Variants in ZNF44 observed in about 807,000 individuals in gnomAD.
ZNF44 encodes zinc finger protein 44.
ZNF44 carries 9 observed loss-of-function variants against 11.7 expected under a neutral mutation model. The ratio of observed to expected loss-of-function variants is 0.77; its 90% CI spans 0.46 to 1.35. The LOEUF (loss-of-function observed/expected upper bound fraction) is 1.35, where lower values mean the gene tolerates loss of function less well. Ranked by LOEUF, ZNF44 falls within the 40% of genes most tolerant of loss-of-function variation. The pLI is 0.00. For missense variants in ZNF44, 696 were observed against 743.1 expected (o/e 0.94, Z 0.74); for synonymous variants, 224 against 242.7 (o/e 0.92, Z 0.72).
chr19:12,250,093 T>C, intron 6 of ZNF44: 1 of 1,253,402 alleles, frequency 8.0e-7, no homozygotes, highest in Non-Finnish European at 1.0e-6. Context: ...TACAGAAAAA[T>C]TATTAGATTC....
chr19:12,260,133 C>T (rs889536622), intron 5 of ZNF44: 3 of 727,132 alleles, frequency 4.1e-6, no homozygotes, highest in African/African-American at 1.7e-5. Context: ...ACCATGTCCG[C>T]GCATCTGCAA....
At position 12,294,862 on chromosome 19, in the gene ZNF44, C is replaced by A. The variant is rs1968184657; in HGVS notation, c.-168G>T. The A allele has an allele frequency of 2.8e-6, 2 of 721,244 alleles. No individual in the cohort carries two copies. The highest frequency in any genetic ancestry group is 4.2e-5 in the South Asian group (2 of 47,414). The allele number at this position is 721,244 out of a possible 1,614,324, so 44.7% of individuals were successfully genotyped here. A position where few individuals can be genotyped will look rare whatever the true frequency, so the allele number is the denominator to read the frequency against. ...AGCTCCTGGAACGTCACACCCTCCT[C>A]TCTGCCTCGCGCCTGATTGACAATT... On this transcript the variant is annotated 5_prime_UTR_variant, in exon 1 of 4. Coordinates refer to ENST00000355684, the MANE Select transcript of ZNF44 (RefSeq NM_016264.4).
downstream of ZNF44, chr19:12,225,142 A>C (rs1372723331): frequency 6.6e-6 from 1 of 152,340 alleles, no homozygotes; most frequent in Non-Finnish European, 1.5e-5. Flanking sequence ...GAGGGGCGGC[A>C]TGTTCTTTCT....
At chr19:12,267,035 TC>T (rs199553354), downstream of ZNF44, among the ~76,000 whole-genome samples, 49 of 142,654 alleles carry the variant, frequency 3.4e-4, no homozygotes, top group Non-Finnish European at 5.8e-4. Flanking sequence ...ACTCATTTTT[TC>T]TTTTTTCTTT....
At chr19:12,286,537 G>A (rs1967759012) in intron 1 of ZNF44, among the ~76,000 whole-genome samples, 1 of 151,992 alleles carries the variant, frequency 6.6e-6, no homozygotes, top group Non-Finnish European at 1.5e-5. Context: ...GGGAGGCTGA[G>A]GCAGAAAATT....
At chr19:12,266,931 G>A (rs1357733920), downstream of ZNF44, among the ~76,000 whole-genome samples, 4 of 152,162 alleles carry the variant, frequency 2.6e-5, no homozygotes, top group Non-Finnish European at 4.4e-5. Context: ...CTGGAACATG[G>A]GAGAGGGCTT....
chr19:12,268,131 T>TACACACACACACAGACAC (rs1917799248), downstream of ZNF44, among the ~76,000 whole-genome samples: 1 of 106,704 alleles, frequency 9.4e-6, no homozygotes, highest in African/African-American at 4.4e-5. Context: ...TTGGTGTTCT[T>TACACACACACACAGACAC]ACACACACAC....
chr19:12,260,558 T>A, intron 5 of ZNF44: 1 of 755,424 alleles, frequency 1.3e-6, no homozygotes, highest in Non-Finnish European at 2.2e-6. Flanking sequence ...CCCAAAGCAA[T>A]AAAGAGTCAG....
intron 1 of ZNF44, among the ~76,000 whole-genome samples, chr19:12,276,692 G>A (rs960604408): frequency 6.6e-6 from 1 of 152,186 alleles, no homozygotes; most frequent in Non-Finnish European, 1.5e-5. Context: ...CCTCCAAAAT[G>A]CAGGCTGAAA....
intron 5 of ZNF44, among the ~76,000 whole-genome samples, chr19:12,265,617 T>C (rs1227638841): frequency 4.0e-5 from 6 of 151,840 alleles, no homozygotes; most frequent in South Asian, 4.2e-4. Flanking sequence ...CCCAGAAAAA[T>C]TTCCAAAGAG....
chr19:12,288,988 T>C (rs1967888479), intron 1 of ZNF44, among the ~76,000 whole-genome samples: 1 of 151,500 alleles, frequency 6.6e-6, no homozygotes, highest in African/African-American at 2.4e-5. Context: ...CCTCTACTGA[T>C]TACTCTGAAC....
intron 1 of ZNF44, among the ~76,000 whole-genome samples, chr19:12,281,948 C>T (rs756820243): frequency 7.9e-5 from 12 of 152,146 alleles, no homozygotes; most frequent in Non-Finnish European, 1.6e-4. Flanking sequence ...TTCTGGCAAG[C>T]GTTTATGGAA....
chr19:12,265,714 T>C (rs1026484069), intron 5 of ZNF44, among the ~76,000 whole-genome samples: 1 of 152,206 alleles, frequency 6.6e-6, no homozygotes, highest in African/African-American at 2.4e-5. Flanking sequence ...TCCAAGCTGC[T>C]ATCTCTGCTT....
intron 5 of ZNF44, among the ~76,000 whole-genome samples, chr19:12,255,123 CACACACACA>C (rs1568431180): frequency 4.0e-4 from 61 of 151,442 alleles, no homozygotes; most frequent in African/African-American, 1.5e-3. Context: ...CACACACACA[CACACACACA>C]CCCCTTTGTG....
chr19:12,289,643 CT>C (rs34329118), intron 1 of ZNF44, among the ~76,000 whole-genome samples: 22,646 of 117,648 alleles, frequency 0.19, 2,058 homozygotes, highest in African/African-American at 0.36. Context: ...TAAACTCATT[CT>C]TTTTTTTTTT....
downstream of ZNF44, among the ~76,000 whole-genome samples, chr19:12,267,013 A>AC (rs1599518960): frequency 6.7e-6 from 1 of 150,068 alleles, no homozygotes; most frequent in Non-Finnish European, 1.5e-5. Context: ...CTCACACCTT[A>AC]TCCCTCAGTC....
chr19:12,274,573 CTT>C (rs561043995), intron 3 of ZNF44, among the ~76,000 whole-genome samples: 38 of 141,420 alleles, frequency 2.7e-4, no homozygotes, highest in Non-Finnish European at 2.9e-4. Context: ...TGCGCCTGGC[CTT>C]TTTTTTTTTT....
chr19:12,230,375 A>T (rs775459481), intron 3 of ZNF44: 1 of 152,234 alleles, frequency 6.6e-6, no homozygotes, highest in Non-Finnish European at 1.5e-5. Context: ...CCTCTAGCTT[A>T]GTCCCACTGG....
At chr19:12,275,058 A>G (rs1052096150) in intron 2 of ZNF44, 25 bp from the exon 3 acceptor site, 2 of 1,528,336 alleles carry the variant, frequency 1.3e-6, no homozygotes, top group Non-Finnish European at 8.8e-7. Flanking sequence ...CAGAAAATTC[A>G]CTATAAATTA....
Sources: gnomAD v4.1 joint callset for allele counts (sites outside exome capture counted in the v4.1 genomes callset) on GRCh38, gnomAD v4.1.1 for gene constraint, MANE v1.5 for transcripts, NCBI Gene and HGNC (gene_info 2026-07-23, HGNC 2026-07-21) for gene names.